DGKB: variants seen among roughly 807,000 people sequenced by gnomAD.
DGKB encodes diacylglycerol kinase beta.
A neutral mutation model predicts 114.3 loss-of-function variants in DGKB; 67 were observed. The observed-to-expected ratio is 0.59, with a 90% confidence interval of 0.48 to 0.72. The LOEUF is 0.72. DGKB is among the 30% of genes least tolerant of loss of function. The pLI is 0.00. For synonymous variants in DGKB, 398 were observed against 323.1 expected (o/e 1.23, Z -2.49); for missense variants, 907 against 975.2 (o/e 0.93, Z 0.93).
intron 5 of DGKB, among the ~76,000 whole-genome samples, chr7:14,724,863 G>C (rs1309633645): frequency 6.6e-6 from 1 of 152,216 alleles, no homozygotes; most frequent in Non-Finnish European, 1.5e-5. Flanking sequence ...GTCTACACCA[G>C]TGTTATCCAA....
chr7:14,494,585 T>C (rs969729333), intron 20 of DGKB, among the ~76,000 whole-genome samples: 34 of 151,960 alleles, frequency 2.2e-4, no homozygotes, highest in African/African-American at 7.5e-4. Context: ...TTAAGAATGA[T>C]AACCACCTTA....
chr7:14,973,364 T>C (rs962483383), intron 1 of DGKB, among the ~76,000 whole-genome samples: 1 of 151,724 alleles, frequency 6.6e-6, no homozygotes, highest in Non-Finnish European at 1.5e-5. Flanking sequence ...AGTTAGAAAA[T>C]ACTGTTTAGT....
chr7:14,901,956 G>C (rs1415201423), intron 1 of DGKB, among the ~76,000 whole-genome samples: 5 of 152,116 alleles, frequency 3.3e-5, no homozygotes, highest in Non-Finnish European at 7.3e-5. Context: ...ACAAGAAAGA[G>C]ACTGTTCAGC....
At chr7:14,944,488 A>C (rs545131261) in intron 1 of DGKB, among the ~76,000 whole-genome samples, 1 of 152,080 alleles carries the variant, frequency 6.6e-6, no homozygotes, top group South Asian at 2.1e-4. Flanking sequence ...TTACAATAAA[A>C]AATTTTTAGA....
intron 1 of DGKB, among the ~76,000 whole-genome samples, chr7:14,914,481 G>A (rs1483982961): frequency 6.6e-6 from 1 of 152,078 alleles, no homozygotes; most frequent in Non-Finnish European, 1.5e-5. Context: ...AAATCCTTTA[G>A]CACATACAAT....
chr7:14,380,561 C>A (rs530873395), intron 21 of DGKB, among the ~76,000 whole-genome samples: 69 of 152,274 alleles, frequency 4.5e-4, no homozygotes, highest in African/African-American at 1.5e-3. Context: ...CAGCTCTACA[C>A]ATCATCCAAA....
chr7:14,924,090 T>A (rs1445529766), intron 1 of DGKB, among the ~76,000 whole-genome samples: 1 of 151,316 alleles, frequency 6.6e-6, no homozygotes, highest in Non-Finnish European at 1.5e-5. Context: ...TACCTGTAAC[T>A]GAGCTCTAAT....
chr7:14,681,086 T>C (rs1820743340), intron 12 of DGKB, among the ~76,000 whole-genome samples: 1 of 149,836 alleles, frequency 6.7e-6, no homozygotes, highest in East Asian at 2.0e-4. Context: ...GAAACAAAAA[T>C]GACATATGTT....
chr7:14,420,414 A>G (rs1826473351), intron 21 of DGKB, among the ~76,000 whole-genome samples: 1 of 152,110 alleles, frequency 6.6e-6, no homozygotes, highest in African/African-American at 2.4e-5. Flanking sequence ...TATAACTGCT[A>G]GAAAATCACA....
At chr7:14,226,462 G>A (rs1472705792) in intron 23 of DGKB, among the ~76,000 whole-genome samples, 3 of 151,908 alleles carry the variant, frequency 2.0e-5, no homozygotes, top group Admixed American at 6.6e-5. Context: ...AAAGAGAAAA[G>A]ACAGTTTCTA....
chr7:14,693,473 C>G (rs1240284771), intron 9 of DGKB, among the ~76,000 whole-genome samples: 1 of 151,794 alleles, frequency 6.6e-6, no homozygotes, highest in Admixed American at 6.6e-5. Flanking sequence ...AGAGGAACTA[C>G]TCCAAGAAAA....
At chr7:14,312,507 T>C (rs1465827868) in intron 23 of DGKB, among the ~76,000 whole-genome samples, 1 of 152,248 alleles carries the variant, frequency 6.6e-6, no homozygotes, top group African/African-American at 2.4e-5. Context: ...ATGTCCTTGA[T>C]GAAGCAGTAA....
chr7:14,337,102 T>C (rs1232557725), intron 23 of DGKB, among the ~76,000 whole-genome samples: 4 of 152,162 alleles, frequency 2.6e-5, no homozygotes, highest in African/African-American at 7.2e-5. Flanking sequence ...AGTATGGTCC[T>C]TAAGCTAATT....
intron 23 of DGKB, among the ~76,000 whole-genome samples, chr7:14,217,312 T>C (rs537404454): frequency 1.3e-5 from 2 of 152,306 alleles, no homozygotes; most frequent in Non-Finnish European, 2.9e-5. Context: ...CTACCTTTAT[T>C]TGAATTTAAT....
chr7:14,309,922 G>A (rs1346846282), intron 23 of DGKB, among the ~76,000 whole-genome samples: 1 of 152,166 alleles, frequency 6.6e-6, no homozygotes, highest in Non-Finnish European at 1.5e-5. Flanking sequence ...TATACATTTG[G>A]ATACAGTAGC....
chr7:14,571,995 ACG>A (rs1413830397), intron 20 of DGKB, among the ~76,000 whole-genome samples: 2 of 152,196 alleles, frequency 1.3e-5, no homozygotes, highest in African/African-American at 4.8e-5. Context: ...TCAACAAAAA[ACG>A]AGGAGATATG....
At chr7:14,210,078 G>A (rs934700987) in intron 23 of DGKB, among the ~76,000 whole-genome samples, 1 of 152,052 alleles carries the variant, frequency 6.6e-6, no homozygotes, top group Non-Finnish European at 1.5e-5. Context: ...GTGTTGGGGG[G>A]ATTGAACTGG....
rs550450398 is a variant in DGKB, at chr7:14,508,604, G to T, written c.1771-30379C>A. Among the ~76,000 whole-genome samples, 3 of 152,066 alleles carry T rather than the reference G, an allele frequency of 2.0e-5. No homozygotes were observed. The South Asian group carries it at 6.2e-4, about 32-fold the overall frequency. ...TGCTCCTTAGCAACTACTGTAAAAGGCTCCCAGAATCTCTACACCTTACTT... is the reference window on the plus strand; with the variant it reads ...TGCTCCTTAGCAACTACTGTAAAAGTCTCCCAGAATCTCTACACCTTACTT... On this transcript the variant is annotated intron_variant, in intron 20 of 25. Coordinates refer to ENST00000402815, the MANE Select transcript of DGKB (RefSeq NM_001350709.2).
intron 23 of DGKB, among the ~76,000 whole-genome samples, chr7:14,292,099 G>A (rs1473497520): frequency 6.6e-6 from 1 of 152,052 alleles, no homozygotes; most frequent in African/African-American, 2.4e-5. Context: ...CAATTTATTT[G>A]CTCTGTTCAT....
Sources: allele counts gnomAD v4.1 joint callset (sites outside exome capture counted in the v4.1 genomes callset), GRCh38; gene constraint gnomAD v4.1.1; transcripts MANE v1.5; gene names NCBI Gene and HGNC (gene_info 2026-07-23, HGNC 2026-07-21).